Variants in EIF2AK4 observed in about 807,000 individuals in gnomAD.
The protein encoded by EIF2AK4 is eIF-2-alpha kinase GCN2.
In EIF2AK4, 139 loss-of-function variants were observed where a neutral mutation model predicts 211.1. The ratio of observed to expected loss-of-function variants is 0.66; its 90% CI spans 0.57 to 0.76. The LOEUF is 0.76. Among genes scored for constraint, EIF2AK4 ranks in the 30% least tolerant of loss-of-function variants. EIF2AK4 has a pLI of 0.00. For synonymous variants in EIF2AK4, 710 were observed against 751.3 expected (o/e 0.94, Z 0.90); for missense variants, 1,664 against 2,043.8 (o/e 0.81, Z 3.58).
intron 5 of EIF2AK4, among the ~76,000 whole-genome samples, chr15:39,954,831 A>T (rs1443726455): frequency 6.6e-6 from 1 of 152,230 alleles, no homozygotes; most frequent in African/African-American, 2.4e-5. Flanking sequence ...AAGGGACATG[A>T]TGTGGTAGCA....
At chr15:40,033,707 T>G (rs1053485902) in intron 37 of EIF2AK4, among the ~76,000 whole-genome samples, 9 of 152,204 alleles carry the variant, frequency 5.9e-5, no homozygotes, top group African/African-American at 2.2e-4. Flanking sequence ...TGGATATACT[T>G]AAGAGCTGCT....
chr15:39,990,479 C>T (rs544659242), intron 16 of EIF2AK4, 102 bp downstream of exon 16: 19 of 974,846 alleles, frequency 1.9e-5, no homozygotes, highest in Admixed American at 1.8e-4. Context: ...AGAACTATGC[C>T]GTCTAATCCT....
intron 20 of EIF2AK4, among the ~76,000 whole-genome samples, chr15:39,999,644 A>G (rs1401161655): frequency 6.6e-6 from 1 of 152,198 alleles, no homozygotes. Flanking sequence ...TATTAGCACT[A>G]ACATTGTGTC....
At chr15:40,034,769 A>G (rs1330837761) in intron 38 of EIF2AK4, among the ~76,000 whole-genome samples, 2 of 152,204 alleles carry the variant, frequency 1.3e-5, no homozygotes, top group African/African-American at 4.8e-5. Context: ...CAATCAATCA[A>G]TCAATCATTC....
At chr15:40,007,175 C>A in intron 24 of EIF2AK4, 110 bp downstream of exon 24, 1 of 1,021,058 alleles carries the variant, frequency 9.8e-7, no homozygotes, top group African/African-American at 1.6e-5. Flanking sequence ...GTTAAGAATT[C>A]TGGGTTCAGA....
intron 9 of EIF2AK4, among the ~76,000 whole-genome samples, chr15:39,970,273 T>C (rs1412589703): frequency 6.6e-6 from 1 of 151,952 alleles, no homozygotes; most frequent in Non-Finnish European, 1.5e-5. Context: ...AGTGAGATCT[T>C]GGTGGCTATA....
intron 13 of EIF2AK4, among the ~76,000 whole-genome samples, chr15:39,979,694 A>G (rs1286303017): frequency 6.6e-6 from 1 of 152,214 alleles, no homozygotes; most frequent in African/African-American, 2.4e-5. Context: ...ATTTTACTAT[A>G]GACAGGAGTT....
chr15:39,948,323 C>G (rs1363564249), intron 3 of EIF2AK4, among the ~76,000 whole-genome samples: 1 of 152,150 alleles, frequency 6.6e-6, no homozygotes, highest in East Asian at 1.9e-4. Context: ...GAAAAAAAAT[C>G]TCAATGTTAT....
In EIF2AK4 at chr15:40,035,020, T is replaced by C. The variant is rs780032778; in HGVS notation, c.4893-7T>C. ...TCTGTCCTTATATCTTTTCTTTTCT[T>C]TTGCAGGGTGTCTGTGCTATTTCTG... is the stretch of plus-strand genomic sequence containing the variant. On this transcript the variant is annotated splice_region_variant and splice_polypyrimidine_tract_variant and intron_variant, in intron 38 of 38. Transcript: ENST00000263791. 1.1e-5 allele frequency: 18 copies of C among 1,577,504 alleles called. No individual in the cohort carries two copies. In the East Asian group the frequency reaches 3.1e-4, roughly 28 times the overall value.
chr15:39,969,909 G>A (rs2034600347), intron 9 of EIF2AK4, among the ~76,000 whole-genome samples: 1 of 152,152 alleles, frequency 6.6e-6, no homozygotes, highest in South Asian at 2.1e-4. Context: ...ATCAGCCTCT[G>A]TGATGGGTAA....
intron 20 of EIF2AK4, among the ~76,000 whole-genome samples, chr15:39,999,910 G>C (rs1271839542): frequency 2.0e-5 from 3 of 152,068 alleles, no homozygotes; most frequent in Admixed American, 6.6e-5. Flanking sequence ...TTCACCATGA[G>C]GACTGCACTC....
intron 13 of EIF2AK4, among the ~76,000 whole-genome samples, chr15:39,982,600 AG>A (rs2034807105): frequency 6.8e-6 from 1 of 146,976 alleles, no homozygotes; most frequent in African/African-American, 2.5e-5. Context: ...CAGAACATGC[AG>A]TTTTGTTACA....
At chr15:39,953,092 C>T (rs1405908041) in intron 4 of EIF2AK4, among the ~76,000 whole-genome samples, 1 of 152,118 alleles carries the variant, frequency 6.6e-6, no homozygotes, top group African/African-American at 2.4e-5. Flanking sequence ...GTGATCCATC[C>T]ACCTTGGCCT....
chr15:39,955,339 C>T (rs1441227234), intron 5 of EIF2AK4, among the ~76,000 whole-genome samples: 1 of 152,086 alleles, frequency 6.6e-6, no homozygotes, highest in East Asian at 1.9e-4. Flanking sequence ...TGTATATATT[C>T]ATGGAGTATA....
intron 7 of EIF2AK4, 125 bp downstream of exon 7, chr15:39,962,024 A>G (rs2034479977): frequency 3.1e-6 from 2 of 635,482 alleles, no homozygotes; most frequent in Non-Finnish European, 5.4e-6. Context: ...TCAAGCTGGT[A>G]GTCATTCTGG....
chr15:39,942,723 A>T (rs777617284), intron 2 of EIF2AK4, among the ~76,000 whole-genome samples: 1 of 152,192 alleles, frequency 6.6e-6, no homozygotes, highest in Non-Finnish European at 1.5e-5. Context: ...AGGTGCAGAG[A>T]GTGTGCATGA....
Position 39,967,608 on chromosome 15 carries a change from G to C in EIF2AK4, c.1282G>C (p.Ala428Pro). ...TTCTGTGGTGCATAAGGTCCTGAGT[G>C]CATCTAATGTCTTGGTGGATGCAGA... Reference protein sequence around the residue: ...SNSVVHKVLSASNVLVDAEGT... With the variant: ...SNSVVHKVLSPSNVLVDAEGT... The change falls in exon 9 of 39, where the codon GCA (alanine) becomes CCA (proline). Residue 428 changes from alanine to proline, a missense_variant. Coordinates refer to ENST00000263791, the MANE Select transcript of EIF2AK4 (RefSeq NM_001013703.4). 1 of 1,614,086 alleles carries C rather than the reference G, an allele frequency of 6.2e-7. No individual in the cohort carries two copies. The highest frequency in any genetic ancestry group is 8.5e-7 in the Non-Finnish European group (1 of 1,180,004).
In EIF2AK4 at chr15:39,961,303, C is replaced by T. The variant is rs143193238; in HGVS notation, c.744-481C>T. On this transcript the variant is annotated intron_variant, in intron 6 of 38. Transcript: ENST00000263791. Reference sequence around the variant, plus strand: ...TGTTTTGCAGCTTTCTCCAGATGTGCATGTGCGTGGGAATGAAGCAATATG... The same window carrying T: ...TGTTTTGCAGCTTTCTCCAGATGTGTATGTGCGTGGGAATGAAGCAATATG... 7.9e-5 allele frequency among the ~76,000 whole-genome samples: 12 copies of T among 152,306 alleles called. No homozygotes were observed. In the East Asian group the frequency reaches 2.3e-3, roughly 29 times the overall value.
rs182011676 is a variant in EIF2AK4, at chr15:40,016,609, G to T, written c.3867G>T (p.Lys1289Asn). 6.2e-7 allele frequency: 1 copy of T among 1,614,226 alleles called. No individual in the cohort carries two copies. Among genetic ancestry groups the T allele is most frequent in the Non-Finnish European group, 8.5e-7 (1 of 1,180,030 alleles). Reference protein sequence around the residue: ...KQKTGIAQLVKYGLKDLEEVV... With the variant: ...KQKTGIAQLVNYGLKDLEEVV... ...AAACAGGTATTGCACAGTTGGTGAA[G>T]TATGGCTTAAAAGACCTAGAGGAGG... The change falls in exon 28 of 39, where the codon AAG becomes AAT. Residue 1289 changes from lysine (K) to asparagine (N), a missense_variant. By Grantham distance (94) the Lys-to-Asn change is moderately conservative. This residue lies in a region of EIF2AK4 where 622 missense variants were observed against 796.8 expected (regional missense o/e 0.78). Coordinates refer to ENST00000263791, the MANE Select transcript of EIF2AK4 (RefSeq NM_001013703.4).
Sources: gnomAD v4.1 joint callset for allele counts (sites outside exome capture counted in the v4.1 genomes callset) on GRCh38, gnomAD v4.1.1 for gene constraint, gnomAD v4.1.1 regional missense constraint, MANE v1.5 for transcripts, NCBI Gene and HGNC (gene_info 2026-07-23, HGNC 2026-07-21) for gene names.